ZNF516: variants seen among roughly 807,000 people sequenced by gnomAD.
The protein encoded by ZNF516 is zinc finger protein 516.
A neutral mutation model predicts 79.7 loss-of-function variants in ZNF516; 19 were observed. The ratio of observed to expected loss-of-function variants is 0.24; its 90% CI spans 0.17 to 0.35. The LOEUF is 0.35. ZNF516 is among the 10% of genes least tolerant of loss of function. ZNF516 has a pLI of 1.00. For synonymous variants in ZNF516, 877 were observed against 739.5 expected (o/e 1.19, Z -3.02); for missense variants, 1,678 against 1,679.5 (o/e 1.00, Z 0.02).
chr18:76,364,974 A>G (rs1438896905), intron 6 of ZNF516, among the ~76,000 whole-genome samples: 1 of 152,256 alleles, frequency 6.6e-6, no homozygotes, highest in East Asian at 1.9e-4. Flanking sequence ...GGTTTAATAA[A>G]TAAGAAAAGC....
intron 6 of ZNF516, among the ~76,000 whole-genome samples, chr18:76,365,082 C>T (rs2074593930): frequency 6.6e-6 from 1 of 152,186 alleles, no homozygotes; most frequent in African/African-American, 2.4e-5. Flanking sequence ...ATGTACCAAC[C>T]TACGTGATTT....
chr18:76,416,276 A>T (rs575750531), intron 3 of ZNF516, among the ~76,000 whole-genome samples: 3 of 152,350 alleles, frequency 2.0e-5, no homozygotes, highest in Admixed American at 2.0e-4. Context: ...CCCTTTTCGT[A>T]TCGCACACCA....
At chr18:76,392,255 C>T (rs1360037990) in intron 3 of ZNF516, among the ~76,000 whole-genome samples, 1 of 152,208 alleles carries the variant, frequency 6.6e-6, no homozygotes, top group African/African-American at 2.4e-5. Context: ...GGGAAAAAGA[C>T]TCTAGGTTCC....
intron 3 of ZNF516, chr18:76,387,777 G>A (rs1033548845): frequency 1.7e-4 from 26 of 152,380 alleles, no homozygotes; most frequent in African/African-American, 6.0e-4. Flanking sequence ...ACATGGACAG[G>A]AGACAGGGAA....
At chr18:76,475,146 T>C (rs919596439) in intron 1 of ZNF516, among the ~76,000 whole-genome samples, 2 of 152,220 alleles carry the variant, frequency 1.3e-5, no homozygotes, top group African/African-American at 4.8e-5. Context: ...TTGTAACTCA[T>C]CAGCAAAAGA....
chr18:76,413,820 G>A (rs948030415), intron 3 of ZNF516, among the ~76,000 whole-genome samples: 8 of 152,098 alleles, frequency 5.3e-5, no homozygotes, highest in Admixed American at 2.0e-4. Flanking sequence ...AAATCTTCAC[G>A]AAACCTCATG....
chr18:76,455,786 A>T (rs2031188962), intron 2 of ZNF516, among the ~76,000 whole-genome samples: 1 of 152,236 alleles, frequency 6.6e-6, no homozygotes, highest in South Asian at 2.1e-4. Context: ...GACACGCTAC[A>T]CAGAGCTCTC....
chr18:76,459,382 C>T lies in ZNF516; in HGVS notation c.-158+3646G>A, dbSNP rs1457104396. Reference sequence around the variant, plus strand: ...GAGCCCTCCCACAGGCACCCAAGCTCTCTGAGGACAGCCGTCCTAGCTTCC... The same window carrying T: ...GAGCCCTCCCACAGGCACCCAAGCTTTCTGAGGACAGCCGTCCTAGCTTCC... On this transcript the variant is annotated intron_variant, in intron 2 of 6. Coordinates refer to ENST00000443185, the MANE Select transcript of ZNF516 (RefSeq NM_014643.4). The surrounding 1 kb of genome is among the most constrained non-coding windows in gnomAD (Gnocchi z 5.0). 6.6e-6 allele frequency among the ~76,000 whole-genome samples: 1 copy of T among 152,216 alleles called. No individual in the cohort carries two copies. Among genetic ancestry groups the T allele is most frequent in the African/African-American group, 2.4e-5 (1 of 41,462 alleles).
At chr18:76,452,803 T>C (rs985283743) in intron 2 of ZNF516, among the ~76,000 whole-genome samples, 29 of 152,196 alleles carry the variant, frequency 1.9e-4, no homozygotes, top group Admixed American at 1.7e-3. Flanking sequence ...GGCAGCTGAA[T>C]ACACAATCTA....
chr18:76,396,377 C>T (rs2075147085), intron 3 of ZNF516, among the ~76,000 whole-genome samples: 1 of 152,112 alleles, frequency 6.6e-6, no homozygotes, highest in African/African-American at 2.4e-5. Context: ...GTGAAAATGC[C>T]CAGTGCCAGG....
At chr18:76,403,321 G>A (rs2075256819) in intron 3 of ZNF516, among the ~76,000 whole-genome samples, 1 of 152,152 alleles carries the variant, frequency 6.6e-6, no homozygotes. Flanking sequence ...CAGATGAGAA[G>A]CCACACACAC....
chr18:76,362,131 T>C lies in ZNF516; in HGVS notation c.*367A>G, dbSNP rs1328801176. On this transcript the variant is annotated 3_prime_UTR_variant, in exon 7 of 7. Transcript: ENST00000443185. ...TCCAACACACACAACAAGTATCTTT[T>C]TTTCCAGTGTCTCAAACTTGTCTTG... 5.2e-6 allele frequency: 1 copy of C among 191,722 alleles called. No homozygotes were observed. The highest frequency in any genetic ancestry group is 2.3e-5 in the African/African-American group (1 of 43,034). 11.9% of individuals were successfully genotyped at this position (191,722 alleles called of 1,614,324 possible).
intron 4 of ZNF516, among the ~76,000 whole-genome samples, chr18:76,378,455 G>A (rs2074823320): frequency 6.6e-6 from 1 of 152,224 alleles, no homozygotes; most frequent in Non-Finnish European, 1.5e-5. Flanking sequence ...TTGAGAGACA[G>A]GACAATGAAC....
At chr18:76,430,665 T>A (rs957556503) in intron 3 of ZNF516, among the ~76,000 whole-genome samples, 1 of 152,236 alleles carries the variant, frequency 6.6e-6, no homozygotes, top group Non-Finnish European at 1.5e-5. Context: ...TTTTAAGTGA[T>A]ACATTTCAGT....
At chr18:76,494,043 T>C (rs1187292322) in intron 1 of ZNF516, 1 of 152,170 alleles carries the variant, frequency 6.6e-6, no homozygotes, top group Non-Finnish European at 1.5e-5. Context: ...TTAACGCTGA[T>C]AATAGATGAG....
intron 1 of ZNF516, among the ~76,000 whole-genome samples, chr18:76,485,599 G>A (rs1053369128): frequency 5.9e-5 from 9 of 152,278 alleles, no homozygotes; most frequent in African/African-American, 2.2e-4. Context: ...ATTTGCTTTG[G>A]TGTCGACTCG....
At chr18:76,488,702 T>C (rs894211702) in intron 1 of ZNF516, among the ~76,000 whole-genome samples, 4 of 152,236 alleles carry the variant, frequency 2.6e-5, no homozygotes, top group African/African-American at 4.8e-5. Context: ...AGATACCTAA[T>C]CAAATAAATT....
chr18:76,379,534 G>A lies in ZNF516; in HGVS notation c.2580C>T (p.Ala860=), dbSNP rs373975633. ...GSSPLGVVTK[A]ASMPKNKESH... is the part of the protein sequence containing the mutation. The stretch of plus-strand genomic sequence containing the variant: ...TCTCCTTATTCTTAGGCATGCTAGC[G>A]GCTTTTGTGACCACTCCCAGGGGAG... Residue 860 remains alanine, a synonymous_variant, in exon 4 of 7, where the codon GCC becomes GCT. Coordinates refer to ENST00000443185, the MANE Select transcript of ZNF516 (RefSeq NM_014643.4). The A allele has an allele frequency of 3.9e-4, 625 of 1,613,604 alleles. No homozygotes were observed. Among genetic ancestry groups the A allele is most frequent in the East Asian group, 4.7e-4 (21 of 44,872 alleles).
chr18:76,378,945 T>A lies in ZNF516; in HGVS notation c.3169A>T (p.Ile1057Phe). The A allele has an allele frequency of 6.2e-7, 1 of 1,613,794 alleles. No homozygotes were observed. The highest frequency in any genetic ancestry group is 8.5e-7 in the Non-Finnish European group (1 of 1,179,810). ...ATGTACGTCTTAAAGATGTTGAGGA[T>A]GTCCAGGCGCTTCTCATGCCCCTCG... ...VAEGHEKRLD[I>F]LNIFKTYIPK... The change falls in exon 4 of 7, where the codon ATC becomes TTC. Residue 1057 changes from isoleucine (I) to phenylalanine (F), a missense_variant. Around this residue, in one of 5 missense-constraint regions of ZNF516, gnomAD observed 1,294 missense variants for 1,248.3 expected, o/e 1.04. Transcript: ENST00000443185.
Sources: gnomAD v4.1 joint callset for allele counts (sites outside exome capture counted in the v4.1 genomes callset) on GRCh38, gnomAD v4.1.1 for gene constraint, gnomAD v4.1.1 regional missense constraint, Gnocchi (gnomAD v3.1) non-coding constraint, MANE v1.5 for transcripts, NCBI Gene and HGNC (gene_info 2026-07-23, HGNC 2026-07-21) for gene names.